Variants in RAMP3 observed in about 807,000 individuals in gnomAD.
RAMP3 encodes the protein receptor activity modifying protein 3.
A neutral mutation model predicts 13.5 loss-of-function variants in RAMP3; 14 were observed. The observed-to-expected ratio is 1.04, with a 90% CI of 0.69 to 1.63. The LOEUF is 1.63. RAMP3 is among the 40% of genes most tolerant of loss of function. The pLI is 0.00. For synonymous variants in RAMP3, 106 were observed against 88.3 expected (o/e 1.20, Z -1.12); for missense variants, 200 against 204.8 (o/e 0.98, Z 0.14).
rs2074654 is a variant in RAMP3 at position 45,177,416 on chromosome 7, T to C, written c.166T>C (p.Trp56Arg). The C allele has an allele frequency of 0.061, 98,236 of 1,614,010 alleles. 3,379 individuals carry two copies. Among genetic ancestry groups the C allele is most frequent in the East Asian group, 0.11 (4,727 of 44,868 alleles). The change falls in exon 2 of 3, where the codon TGG becomes CGG. Residue 56 changes from tryptophan (W) to arginine (R), a missense_variant. Transcript: ENST00000242249. Reference protein sequence around the residue: ...DMMGKVDVWKWCNLSEFIVYY... With the variant: ...DMMGKVDVWKRCNLSEFIVYY... ...GATGGGCAAGGTGGACGTCTGGAAG[T>C]GGTGCAACCTGTCCGAGTTCATCGT...
At chr7:45,174,947 G>T (rs143006738) in intron 1 of RAMP3, among the ~76,000 whole-genome samples, 2 of 152,308 alleles carry the variant, frequency 1.3e-5, no homozygotes, top group African/African-American at 4.8e-5. Context: ...AATTTCACTG[G>T]GTTGACAGTG....
rs2128659335 is a variant in RAMP3, at chr7:45,183,518, C to T, written c.*106C>T. ...CCAATCTCCAGCTACTGTGGCCACA[C>T]CCCACCTGGTCATGGGCAGACCCCT... is the stretch of plus-strand genomic sequence containing the variant. On this transcript the variant is annotated 3_prime_UTR_variant, in exon 3 of 3. Transcript: ENST00000242249. 1 of 1,491,710 alleles carries T rather than the reference C, an allele frequency of 6.7e-7. No individual in the cohort carries two copies. Among genetic ancestry groups the T allele is most frequent in the South Asian group, 1.2e-5 (1 of 81,378 alleles). The allele number at this position is 1,491,710 out of a possible 1,614,324, so 92.4% of individuals were successfully genotyped here.
chr7:45,183,141 C>T lies in RAMP3; in HGVS notation c.192-16C>T. On this transcript the variant is annotated splice_polypyrimidine_tract_variant and intron_variant, in intron 2 of 2. Coordinates refer to ENST00000242249, the MANE Select transcript of RAMP3 (RefSeq NM_005856.3). ...GGATGGCGAGAGCCTGGCTTTCACCCCCTCTGCTTTTGCAGGTACTATGAG... is the reference window on the plus strand; with the variant it reads ...GGATGGCGAGAGCCTGGCTTTCACCTCCTCTGCTTTTGCAGGTACTATGAG... 1 of 1,606,974 alleles carries T rather than the reference C, an allele frequency of 6.2e-7. No homozygotes were observed. Among genetic ancestry groups the T allele is most frequent in the Non-Finnish European group, 8.5e-7 (1 of 1,179,088 alleles).
chr7:45,181,833 C>T (rs566112527), intron 2 of RAMP3, among the ~76,000 whole-genome samples: 5 of 152,230 alleles, frequency 3.3e-5, no homozygotes, highest in Admixed American at 2.6e-4. Flanking sequence ...TACTTGGATT[C>T]GAGGCTGTTT....
rs1216664668 is a variant in RAMP3 at position 45,172,466 on chromosome 7, C to G, written c.59-4843C>G. On this transcript the variant is annotated intron_variant, in intron 1 of 2. Transcript: ENST00000242249. ...ATACCACCATCCCAGAAGTCTGTAC[C>G]CCCTTGTTGAGTTTCTTTTCTTTTC... Among the ~76,000 whole-genome samples the G allele has an allele frequency of 2.0e-5, 3 of 152,090 alleles. No homozygotes were observed. The East Asian group carries it at 5.8e-4, about 29-fold the overall frequency.
In RAMP3 at chr7:45,183,996, G is replaced by C. The variant is rs779959149; in HGVS notation, c.*584G>C. Reference sequence around the variant, plus strand: ...GAAGGGAGGGGCTGGGGGTTCCCAGGAGCCATGCGTGGCCTGCAGAGTCCA... The same window carrying C: ...GAAGGGAGGGGCTGGGGGTTCCCAGCAGCCATGCGTGGCCTGCAGAGTCCA... On this transcript the variant is annotated 3_prime_UTR_variant, in exon 3 of 3. Coordinates refer to ENST00000242249, the MANE Select transcript of RAMP3 (RefSeq NM_005856.3). 2.4e-6 allele frequency: 1 copy of C among 414,458 alleles called. No homozygotes were observed. Among genetic ancestry groups the C allele is most frequent in the Non-Finnish European group, 4.3e-6 (1 of 234,436 alleles). The allele number at this position is 414,458 out of a possible 1,614,324, so 25.7% of individuals were successfully genotyped here.
intron 1 of RAMP3, among the ~76,000 whole-genome samples, chr7:45,162,865 GC>G (rs1785890687): frequency 6.6e-6 from 1 of 152,162 alleles, no homozygotes; most frequent in Non-Finnish European, 1.5e-5. Context: ...GAGCCTTCTG[GC>G]TCCTGCTTGC....
chr7:45,172,154 G>C (rs1317947109), intron 1 of RAMP3, among the ~76,000 whole-genome samples: 2 of 152,184 alleles, frequency 1.3e-5, no homozygotes, highest in Non-Finnish European at 2.9e-5. Context: ...CAGTTCTCTA[G>C]GCCTCATCTG....
intron 1 of RAMP3, chr7:45,163,857 T>C (rs1785910064): frequency 1.0e-6 from 1 of 985,308 alleles, no homozygotes; most frequent in African/African-American, 1.7e-5. Flanking sequence ...CCTCCATTCC[T>C]GCAGAGATGG....
rs944912551 is a variant in RAMP3, at chr7:45,169,536, G to A, written c.59-7773G>A. Among the ~76,000 whole-genome samples, 34 of 152,250 alleles carry A rather than the reference G, an allele frequency of 2.2e-4. 1 individual carries two copies. The highest frequency in any genetic ancestry group is 6.8e-3 in the Middle Eastern group (2 of 294). On this transcript the variant is annotated intron_variant, in intron 1 of 2. Coordinates refer to ENST00000242249, the MANE Select transcript of RAMP3 (RefSeq NM_005856.3). ...TAATAGTTTCCTAGGTTGTAACAAA[G>A]TACCATAATCTGGGTGACTTAAAAC...
intron 1 of RAMP3, among the ~76,000 whole-genome samples, chr7:45,172,434 G>T (rs1786101445): frequency 6.6e-6 from 1 of 152,170 alleles, no homozygotes; most frequent in Admixed American, 6.5e-5. Context: ...CTTAGGATGA[G>T]CTTCTCATAC....
intron 1 of RAMP3, among the ~76,000 whole-genome samples, chr7:45,176,573 C>G (rs755722659): frequency 6.6e-6 from 1 of 152,046 alleles, no homozygotes; most frequent in African/African-American, 2.4e-5. Context: ...ATGGGATGAC[C>G]GTGGAGACAG....
intron 1 of RAMP3, among the ~76,000 whole-genome samples, chr7:45,169,941 A>G (rs1332913212): frequency 3.9e-5 from 6 of 152,214 alleles, no homozygotes; most frequent in Non-Finnish European, 7.3e-5. Context: ...ACAATGCCTT[A>G]TTAGGAATTT....
intron 2 of RAMP3, among the ~76,000 whole-genome samples, chr7:45,178,947 T>C (rs953853470): frequency 3.9e-5 from 6 of 152,064 alleles, no homozygotes; most frequent in Admixed American, 6.5e-5. Flanking sequence ...ACAGCCAGGT[T>C]GACATTGCGG....
chr7:45,164,105 G>A (rs1785914995), intron 1 of RAMP3, among the ~76,000 whole-genome samples: 1 of 152,082 alleles, frequency 6.6e-6, no homozygotes, highest in Admixed American at 6.5e-5. Context: ...ACCCACAATG[G>A]TGTGTACCCC....
At chr7:45,164,886 C>A (rs1481521821) in intron 1 of RAMP3, among the ~76,000 whole-genome samples, 1 of 152,068 alleles carries the variant, frequency 6.6e-6, no homozygotes, top group African/African-American at 2.4e-5. Flanking sequence ...TACTGTTGGA[C>A]CTTACTTTTT....
chr7:45,157,805 T>A lies in RAMP3; in HGVS notation c.-24T>A. 8.2e-7 allele frequency: 1 copy of A among 1,218,154 alleles called. No individual in the cohort carries two copies. Among genetic ancestry groups the A allele is most frequent in the Admixed American group, 3.6e-5 (1 of 27,472 alleles). 75.5% of individuals were successfully genotyped at this position (1,218,154 alleles called of 1,614,324 possible). A position where few individuals can be genotyped will look rare whatever the true frequency, so the allele number is the denominator to read the frequency against. ...GCCGCGCCCCCAGCGGGACCGAGCG[T>A]GACCCAGCTGCGGCCGGCCAGCCAT... is the stretch of plus-strand genomic sequence containing the variant. On this transcript the variant is annotated 5_prime_UTR_variant, in exon 1 of 3. Transcript: ENST00000242249.
intron 1 of RAMP3, among the ~76,000 whole-genome samples, chr7:45,174,006 G>T (rs930962942): frequency 6.6e-6 from 1 of 152,124 alleles, no homozygotes; most frequent in Admixed American, 6.5e-5. Flanking sequence ...GTTGGTGGGG[G>T]CTGTGGATTT....
chr7:45,176,025 A>G (rs747032681), intron 1 of RAMP3, among the ~76,000 whole-genome samples: 36 of 152,190 alleles, frequency 2.4e-4, no homozygotes, highest in Non-Finnish European at 2.9e-5. Context: ...AGACTCTGAA[A>G]TGCTCACTGC....
Sources: gnomAD v4.1 joint callset for allele counts (sites outside exome capture counted in the v4.1 genomes callset) on GRCh38, gnomAD v4.1.1 for gene constraint, MANE v1.5 for transcripts, NCBI Gene and HGNC (gene_info 2026-07-23, HGNC 2026-07-21) for gene names.